UBE2D2: variants seen among roughly 807,000 people sequenced by gnomAD.
The protein encoded by UBE2D2 is ubiquitin-conjugating enzyme E2 D2.
A neutral mutation model predicts 24.2 loss-of-function variants in UBE2D2; 2 were observed. The observed-to-expected ratio is 0.08, with a 90% CI of 0.03 to 0.26. The LOEUF (loss-of-function observed/expected upper bound fraction) is 0.26, where lower values mean the gene tolerates loss of function less well. UBE2D2 is among the 10% of genes least tolerant of loss of function. The probability of loss-of-function intolerance (pLI) is 1.00; values close to 1 mark genes in which losing one functional copy is unlikely to be tolerated. For synonymous variants in UBE2D2, 58 were observed against 56.5 expected, an observed-to-expected ratio of 1.03 and a Z score of -0.12; for missense variants, 44 against 177.6, an observed-to-expected ratio of 0.25 and a Z score of 4.28.
intron 1 of UBE2D2, among the ~76,000 whole-genome samples, chr5:139,586,058 A>C (rs1180126877): frequency 6.6e-6 from 1 of 151,830 alleles, no homozygotes; most frequent in Non-Finnish European, 1.5e-5. Context: ...GCCCATAGAG[A>C]ATAAAGAGTT....
intron 1 of UBE2D2, among the ~76,000 whole-genome samples, chr5:139,596,609 A>G (rs916207371): frequency 2.6e-5 from 4 of 152,006 alleles, no homozygotes; most frequent in Non-Finnish European, 5.9e-5. Flanking sequence ...ACTTTTAAGA[A>G]TAAAAAACTG....
At chr5:139,572,305 AT>A (rs1753367256) in intron 1 of UBE2D2, among the ~76,000 whole-genome samples, 1 of 152,208 alleles carries the variant, frequency 6.6e-6, no homozygotes, top group Non-Finnish European at 1.5e-5. Flanking sequence ...TTGTATTAAA[AT>A]TGAGAGCACT....
chr5:139,564,446 GC>G (rs1229584541), intron 1 of UBE2D2, among the ~76,000 whole-genome samples: 1 of 148,222 alleles, frequency 6.7e-6, no homozygotes, highest in Non-Finnish European at 1.5e-5. Context: ...GAGCTACCGT[GC>G]CCGGCCTGAA....
chr5:139,626,622 T>G, intron 6 of UBE2D2, 134 bp from the exon 7 acceptor site: 1 of 695,032 alleles, frequency 1.4e-6, no homozygotes, highest in South Asian at 1.7e-5. Flanking sequence ...ATCAGAAATT[T>G]GGGATAGAAA....
At chr5:139,562,018 C>G in intron 1 of UBE2D2, 1 of 860,042 alleles carries the variant, frequency 1.2e-6, no homozygotes, top group Non-Finnish European at 1.7e-6. Flanking sequence ...CGGAGGTGCT[C>G]TCGCGGCCTC....
At chr5:139,549,610 A>G (rs1260976545) in intron 1 of UBE2D2, among the ~76,000 whole-genome samples, 1 of 152,170 alleles carries the variant, frequency 6.6e-6, no homozygotes, top group African/African-American at 2.4e-5. Context: ...GCAGCCCGCC[A>G]TGCCTGAACA....
At chr5:139,587,546 G>A (rs1432601884) in intron 1 of UBE2D2, among the ~76,000 whole-genome samples, 2 of 151,908 alleles carry the variant, frequency 1.3e-5, no homozygotes, top group African/African-American at 4.8e-5. Flanking sequence ...GGGCGTGGTG[G>A]CGGGCACCAC....
In UBE2D2 at chr5:139,561,827, G is replaced by C; in HGVS notation, c.24+12G>C. On this transcript the variant is annotated intron_variant, in intron 1 of 6. Transcript: ENST00000398733. ...AGAGAATCCACAAGGTAAGCGGCCGGAGGTCGGCTGCGCTGCTGGCCAGCT... is the reference window on the plus strand; with the variant it reads ...AGAGAATCCACAAGGTAAGCGGCCGCAGGTCGGCTGCGCTGCTGGCCAGCT... 2 of 1,493,498 alleles carry C rather than the reference G, an allele frequency of 1.3e-6. No individual in the cohort carries two copies. Among genetic ancestry groups the C allele is most frequent in the Non-Finnish European group, 1.8e-6 (2 of 1,126,970 alleles). The allele number at this position is 1,493,498 out of a possible 1,614,324, so 92.5% of individuals were successfully genotyped here.
At position 139,626,982 on chromosome 5, in the gene UBE2D2, C is replaced by G. The variant is rs1161087254; in HGVS notation, c.*181C>G. 1.8e-6 allele frequency: 1 copy of G among 554,538 alleles called. No homozygotes were observed. The highest frequency in any genetic ancestry group is 3.2e-6 in the Non-Finnish European group (1 of 313,236). 34.4% of individuals were successfully genotyped at this position (554,538 alleles called of 1,614,324 possible). On this transcript the variant is annotated 3_prime_UTR_variant, in exon 7 of 7. Coordinates refer to ENST00000398733, the MANE Select transcript of UBE2D2 (RefSeq NM_003339.3). ...TACTTGGAACAACAAACTAGAAATACTGTACTTCTGTACCAACATTGCCTC... is the reference window on the plus strand; with the variant it reads ...TACTTGGAACAACAAACTAGAAATAGTGTACTTCTGTACCAACATTGCCTC...
chr5:139,586,872 C>G (rs1427873084), intron 1 of UBE2D2, among the ~76,000 whole-genome samples: 1 of 152,122 alleles, frequency 6.6e-6, no homozygotes, highest in Non-Finnish European at 1.5e-5. Context: ...AGTCCGTTTA[C>G]TTTATCAGCA....
chr5:139,603,961 C>CA (rs1210976195), intron 2 of UBE2D2, among the ~76,000 whole-genome samples: 1 of 151,790 alleles, frequency 6.6e-6, no homozygotes, highest in Admixed American at 6.6e-5. Flanking sequence ...AAAAAACAAA[C>CA]AAACTCTCCC....
At position 139,535,536 on chromosome 5, in the gene UBE2D2, G is replaced by A. The variant is rs1413104561; in HGVS notation, c.-64+8924G>A. ...CCCAGCTACTTTGGAGGCTGAGGCG[G>A]GAGAATTGCTTGAACCCAGGAGGCA... On this transcript the variant is annotated intron_variant, in intron 1 of 6. Transcript: ENST00000511725. Among the ~76,000 whole-genome samples the A allele has an allele frequency of 2.6e-5, 4 of 152,142 alleles. No individual in the cohort carries two copies. In the East Asian group the frequency reaches 7.7e-4, roughly 29 times the overall value.
intron 1 of UBE2D2, among the ~76,000 whole-genome samples, chr5:139,581,725 G>A (rs1451869986): frequency 6.6e-6 from 1 of 152,064 alleles, no homozygotes; most frequent in African/African-American, 2.4e-5. Flanking sequence ...CTGGAGTGCA[G>A]TGGTGCAGTC....
In UBE2D2 at chr5:139,561,422, G is replaced by A; in HGVS notation, c.-370G>A. Reference sequence around the variant, plus strand: ...GGGAGGAAGACAGGCAATCCCTCCGGCTGTCCGACCAAGAGAGGCCGGCCG... The same window carrying A: ...GGGAGGAAGACAGGCAATCCCTCCGACTGTCCGACCAAGAGAGGCCGGCCG... On this transcript the variant is annotated 5_prime_UTR_variant, in exon 1 of 7. Coordinates refer to ENST00000398733, the MANE Select transcript of UBE2D2 (RefSeq NM_003339.3). 1 of 226,120 alleles carries A rather than the reference G, an allele frequency of 4.4e-6. No homozygotes were observed. The highest frequency in any genetic ancestry group is 8.6e-5 in the East Asian group (1 of 11,660). The allele number at this position is 226,120 out of a possible 1,614,324, so 14.0% of individuals were successfully genotyped here.
At chr5:139,601,386 T>C (rs1039589445) in intron 2 of UBE2D2, among the ~76,000 whole-genome samples, 2 of 152,242 alleles carry the variant, frequency 1.3e-5, no homozygotes, top group Non-Finnish European at 2.9e-5. Flanking sequence ...GGTGAATCAA[T>C]TGAGCCCAGG....
chr5:139,561,743 T>TC lies in UBE2D2; in HGVS notation c.-45dup. ...GCTCCCTAGCCCCTTCCCCGTCCCT[T>TC]CCCCGCCCCCGTCCCCGCCCCGGGG... is the stretch of plus-strand genomic sequence containing the variant. On this transcript the variant is annotated 5_prime_UTR_variant, in exon 1 of 7. Coordinates refer to ENST00000398733, the MANE Select transcript of UBE2D2 (RefSeq NM_003339.3). The TC allele has an allele frequency of 2.1e-4, 282 of 1,349,332 alleles. No individual in the cohort carries two copies. Among genetic ancestry groups the TC allele is most frequent in the Non-Finnish European group, 2.5e-4 (257 of 1,012,932 alleles). 83.6% of individuals were successfully genotyped at this position (1,349,332 alleles called of 1,614,324 possible).
At chr5:139,560,749 G>A (rs116482321), upstream of UBE2D2, among the ~76,000 whole-genome samples, 444 of 152,252 alleles carry the variant, frequency 2.9e-3, 2 homozygotes, top group African/African-American at 0.01. Context: ...CACCTCGAAG[G>A]CACACATACA....
At chr5:139,566,844 C>T (rs1240547476) in intron 1 of UBE2D2, among the ~76,000 whole-genome samples, 1 of 151,294 alleles carries the variant, frequency 6.6e-6, no homozygotes, top group Non-Finnish European at 1.5e-5. Flanking sequence ...ATCTGTGGGC[C>T]CAGTGTTGCA....
intron 2 of UBE2D2, 55 bp from the exon 3 acceptor site, chr5:139,614,531 C>T (rs753068716): frequency 8.8e-5 from 140 of 1,586,194 alleles, no homozygotes; most frequent in Non-Finnish European, 1.1e-4. Context: ...GTTACTATGG[C>T]GTAGATACAA....
Sources: gnomAD v4.1 joint callset for allele counts (sites outside exome capture counted in the v4.1 genomes callset) on GRCh38, gnomAD v4.1.1 for gene constraint, MANE v1.5 for transcripts, NCBI Gene and HGNC (gene_info 2026-07-23, HGNC 2026-07-21) for gene names.